The following DISP3 variants were observed in gnomAD, a reference collection of about 807,000 sequenced individuals.
DISP3 encodes protein dispatched homolog 3.
DISP3 carries 101 observed loss-of-function variants against 135.3 expected under a neutral mutation model. That is an observed-to-expected ratio of 0.75 (90% CI 0.64 to 0.88). The LOEUF (loss-of-function observed/expected upper bound fraction) is 0.88, where lower values mean the gene tolerates loss of function less well. Ranked by LOEUF, DISP3 falls within the 40% of genes least tolerant of loss-of-function variation. The pLI is 0.00. For synonymous variants in DISP3, 856 were observed against 817.0 expected (o/e 1.05, Z -0.81); for missense variants, 1,713 against 1,878.6 (o/e 0.91, Z 1.63).
At chr1:11,486,736 G>A (rs544900387) in intron 1 of DISP3, among the ~76,000 whole-genome samples, 1 of 151,984 alleles carries the variant, frequency 6.6e-6, no homozygotes, top group African/African-American at 2.4e-5. Context: ...GGAGTGCAGT[G>A]CTGCAATCAC....
chr1:11,495,033 T>C (rs933546808), intron 1 of DISP3, among the ~76,000 whole-genome samples: 1 of 152,142 alleles, frequency 6.6e-6, no homozygotes, highest in African/African-American at 2.4e-5. Flanking sequence ...AAAGCCCCAT[T>C]CTGTCCAAAT....
At chr1:11,482,738 C>T (rs1434546994) in intron 1 of DISP3, among the ~76,000 whole-genome samples, 4 of 152,182 alleles carry the variant, frequency 2.6e-5, no homozygotes, top group Middle Eastern at 3.4e-3. Context: ...TGTGGAGAAA[C>T]GGAGGGCTGG....
intron 3 of DISP3, among the ~76,000 whole-genome samples, chr1:11,507,841 A>C (rs1348649655): frequency 6.6e-6 from 1 of 152,216 alleles, no homozygotes; most frequent in Non-Finnish European, 1.5e-5. Flanking sequence ...TATAATCAGC[A>C]TCTAGTACAG....
intron 10 of DISP3, 81 bp from the exon 11 acceptor site, chr1:11,523,861 C>G (rs1642327553): frequency 8.6e-7 from 1 of 1,167,078 alleles, no homozygotes; most frequent in African/African-American, 1.5e-5. Flanking sequence ...GTCTCAGATC[C>G]CAGCCTCTTC....
chr1:11,533,020 G>C (rs902474866), intron 17 of DISP3, among the ~76,000 whole-genome samples: 4 of 151,886 alleles, frequency 2.6e-5, no homozygotes, highest in Non-Finnish European at 5.9e-5. Flanking sequence ...CCATTTTTAA[G>C]CATACGACTC....
intron 3 of DISP3, among the ~76,000 whole-genome samples, chr1:11,506,045 ATTTTC>A (rs1641687910): frequency 1.3e-5 from 2 of 152,100 alleles, no homozygotes; most frequent in Non-Finnish European, 2.9e-5. Flanking sequence ...ATTGGCACTT[ATTTTC>A]TTTTAATACT....
chr1:11,512,536 C>A (rs575176736), intron 3 of DISP3, among the ~76,000 whole-genome samples: 1 of 152,282 alleles, frequency 6.6e-6, no homozygotes, highest in South Asian at 2.1e-4. Context: ...CATCTGAGAC[C>A]ACCTCAGCCT....
intron 1 of DISP3, among the ~76,000 whole-genome samples, chr1:11,488,079 A>G (rs1641087422): frequency 6.6e-6 from 1 of 152,062 alleles, no homozygotes; most frequent in Non-Finnish European, 1.5e-5. Flanking sequence ...AAGCAGTCTG[A>G]GATTTTTGAG....
chr1:11,526,902 T>TTC (rs1160169292), intron 13 of DISP3, 67 bp downstream of exon 13: 2 of 1,513,782 alleles, frequency 1.3e-6, no homozygotes, highest in African/African-American at 2.8e-5. Flanking sequence ...TTTCTCTCTT[T>TTC]TCTCTCTCTT....
chr1:11,481,403 G>A (rs571803371), intron 1 of DISP3: 3 of 152,192 alleles, frequency 2.0e-5, no homozygotes, highest in Admixed American at 1.3e-4. Flanking sequence ...AGAACTTTGG[G>A]TGAAGCATTC....
rs369603181 is a variant in DISP3 at position 11,535,073 on chromosome 1, G to A, written c.3598G>A (p.Val1200Met). 46 of 1,608,530 alleles carry A rather than the reference G, an allele frequency of 2.9e-5. 1 individual carries two copies. Among genetic ancestry groups the A allele is most frequent in the South Asian group, 4.5e-5 (4 of 89,798 alleles). The change falls in exon 19 of 21, where the codon GTG (valine) becomes ATG (methionine). Residue 1200 changes from valine (V) to methionine (M), a missense_variant. By Grantham distance (21) the Val-to-Met change is conservative. Around this residue, in one of 2 missense-constraint regions of DISP3, gnomAD observed 1,142 missense variants for 1,384.6 expected, o/e 0.82. Transcript: ENST00000294484. ...GCTCATCTGCGTGGCCGCGGTGGCC[G>A]TGTTCACCACCCACATCCTGCTCCT... The part of the protein sequence containing the change: ...SLLICVAAVA[V>M]FTTHILLLLP...
Position 11,501,157 on chromosome 1 carries a change from C to G in DISP3, c.165C>G (p.Pro55=). The G allele has an allele frequency of 1.2e-6, 2 of 1,613,986 alleles. No homozygotes were observed. The highest frequency in any genetic ancestry group is 1.7e-4 in the Middle Eastern group (1 of 6,058). Residue 55 remains proline, a synonymous_variant, in exon 2 of 21, where the codon CCC becomes CCG. Coordinates refer to ENST00000294484, the MANE Select transcript of DISP3 (RefSeq NM_020780.2). This position sits in a 1 kb window ranked among gnomAD's most constrained non-coding sequence, Gnocchi z 4.9. ...GGCACTGGCCCCTGGCTTCCCGACC[C>G]CCAGCTTCGGGCTTCTGGAGTACCC... is the stretch of plus-strand genomic sequence containing the variant. ...CWRHWPLASR[P]PASGFWSTLG...
At chr1:11,509,000 C>T (rs181740034) in intron 3 of DISP3, among the ~76,000 whole-genome samples, 50 of 152,188 alleles carry the variant, frequency 3.3e-4, no homozygotes, top group African/African-American at 1.2e-3. Flanking sequence ...CTAAGGCCAT[C>T]GATTTGAAAC....
chr1:11,483,253 C>T lies in DISP3; in HGVS notation c.-4+3881C>T, dbSNP rs751226721. On this transcript the variant is annotated intron_variant, in intron 1 of 20. Transcript: ENST00000294484. This position sits in a 1 kb window ranked among gnomAD's most constrained non-coding sequence, Gnocchi z 5.4. ...GTGTGTTGTCAAAGCTCTTTGGAAA[C>T]GGGCACCAGACATGGCTGATGGCCT... 1.3e-5 allele frequency among the ~76,000 whole-genome samples: 2 copies of T among 152,240 alleles called. No homozygotes were observed. The highest frequency in any genetic ancestry group is 1.5e-5 in the Non-Finnish European group (1 of 68,038).
chr1:11,509,387 T>C (rs1365908269), intron 3 of DISP3, among the ~76,000 whole-genome samples: 1 of 152,198 alleles, frequency 6.6e-6, no homozygotes, highest in Admixed American at 6.5e-5. Context: ...TGAAATGTTC[T>C]ATAAGTCTTA....
intron 11 of DISP3, 119 bp from the exon 12 acceptor site, chr1:11,525,057 T>G: frequency 7.9e-7 from 1 of 1,266,476 alleles, no homozygotes; most frequent in Non-Finnish European, 1.1e-6. Context: ...CATTTTGAGA[T>G]GAGCCCAAGG....
intron 1 of DISP3, among the ~76,000 whole-genome samples, chr1:11,494,258 G>A (rs1205458777): frequency 1.3e-5 from 2 of 152,242 alleles, no homozygotes; most frequent in East Asian, 1.9e-4. Context: ...GGATGGATAA[G>A]GAGTACTGGC....
intron 13 of DISP3, among the ~76,000 whole-genome samples, chr1:11,527,325 G>A (rs1390467444): frequency 2.0e-5 from 3 of 152,146 alleles, no homozygotes; most frequent in Non-Finnish European, 2.9e-5. Context: ...CGAGGTGGGC[G>A]GATCACGAGG....
At chr1:11,498,503 T>C (rs1282580917) in intron 1 of DISP3, among the ~76,000 whole-genome samples, 1 of 152,176 alleles carries the variant, frequency 6.6e-6, no homozygotes, top group Non-Finnish European at 1.5e-5. Context: ...GGAAGCTGCA[T>C]CTTCCTTTAT....
Sources: allele counts gnomAD v4.1 joint callset (sites outside exome capture counted in the v4.1 genomes callset), GRCh38; gene constraint gnomAD v4.1.1; regional missense constraint gnomAD v4.1.1; non-coding constraint Gnocchi (gnomAD v3.1); transcripts MANE v1.5; gene names NCBI Gene and HGNC (gene_info 2026-07-23, HGNC 2026-07-21).